The following DNMBP variants were observed in gnomAD, a reference collection of about 807,000 sequenced individuals.
DNMBP encodes dynamin binding protein.
A neutral mutation model predicts 150.0 loss-of-function variants in DNMBP; 87 were observed. That is an observed-to-expected ratio of 0.58 (90% CI 0.49 to 0.69). DNMBP has a LOEUF of 0.69. DNMBP is among the 30% of genes least tolerant of loss of function. The probability of loss-of-function intolerance (pLI) is 0.00; values close to 1 mark genes in which losing one functional copy is unlikely to be tolerated. For synonymous variants in DNMBP, 711 were observed against 750.4 expected, an observed-to-expected ratio of 0.95 and a Z score of 0.86; for missense variants, 1,774 against 1,949.0, an observed-to-expected ratio of 0.91 and a Z score of 1.69.
chr10:99,968,416 G>C (rs965833251), intron 3 of DNMBP, among the ~76,000 whole-genome samples: 1 of 152,172 alleles, frequency 6.6e-6, no homozygotes, highest in Non-Finnish European at 1.5e-5. Flanking sequence ...GTCAGGCGCA[G>C]TGACTCATGC....
intron 4 of DNMBP, 97 bp downstream of exon 4, chr10:99,955,117 T>C (rs552015024): frequency 1.0e-6 from 1 of 985,100 alleles, no homozygotes; most frequent in Admixed American, 2.3e-5. Context: ...TTTTTGTCCA[T>C]CGAGGATGGT....
chr10:99,922,494 C>G (rs1377808548), intron 4 of DNMBP, among the ~76,000 whole-genome samples: 1 of 139,724 alleles, frequency 7.2e-6, no homozygotes, highest in Non-Finnish European at 1.5e-5. Flanking sequence ...CATAACCTAG[C>G]TGCTGCTGTT....
At chr10:100,004,051 G>C (rs1213455296) in intron 1 of DNMBP, among the ~76,000 whole-genome samples, 1 of 150,238 alleles carries the variant, frequency 6.7e-6, no homozygotes, top group Admixed American at 6.7e-5. Flanking sequence ...GGACAACAAA[G>C]GGCGTCCCTA....
intron 4 of DNMBP, among the ~76,000 whole-genome samples, chr10:99,946,371 T>C (rs897606233): frequency 6.6e-6 from 1 of 152,236 alleles, no homozygotes; most frequent in Non-Finnish European, 1.5e-5. Context: ...CACTATCAGA[T>C]AGAGCAACTA....
intron 6 of DNMBP, among the ~76,000 whole-genome samples, chr10:99,905,880 A>G (rs990644218): frequency 1.3e-5 from 2 of 152,150 alleles, no homozygotes; most frequent in Non-Finnish European, 2.9e-5. Context: ...TGAGGTGAGA[A>G]GATTGCTTGA....
At chr10:99,878,791 T>C (rs1017729056) in intron 16 of DNMBP, among the ~76,000 whole-genome samples, 2 of 152,126 alleles carry the variant, frequency 1.3e-5, no homozygotes, top group Non-Finnish European at 2.9e-5. Context: ...GCAAAGACTC[T>C]GCAGCTGTGA....
intron 16 of DNMBP, 87 bp from the exon 17 acceptor site, chr10:99,877,423 C>A: frequency 1.0e-6 from 1 of 991,268 alleles, no homozygotes; most frequent in Non-Finnish European, 1.5e-6. Context: ...GGTTCCACAT[C>A]CACATGCCCA....
intron 1 of DNMBP, among the ~76,000 whole-genome samples, chr10:100,000,557 C>A (rs1360761317): frequency 1.3e-5 from 2 of 151,940 alleles, no homozygotes; most frequent in African/African-American, 4.8e-5. Context: ...TTTGCAATGT[C>A]AAAGACAAAA....
At chr10:99,929,799 G>A (rs1340206834) in intron 4 of DNMBP, 4 of 702,640 alleles carry the variant, frequency 5.7e-6, no homozygotes, top group Non-Finnish European at 1.0e-5. Flanking sequence ...TTCTCCCCTG[G>A]TACACTGAGT....
intron 1 of DNMBP, among the ~76,000 whole-genome samples, chr10:99,992,487 T>G (rs1416732797): frequency 5.3e-5 from 8 of 151,812 alleles, no homozygotes; most frequent in Admixed American, 5.3e-4. Flanking sequence ...ATCCCAGCAC[T>G]CTGGGAGGCT....
chr10:99,914,007 CG>C, intron 4 of DNMBP: 1 of 1,506,032 alleles, frequency 6.6e-7, no homozygotes, highest in Non-Finnish European at 8.9e-7. Flanking sequence ...GGTAAGCAGG[CG>C]GGACAGAATC....
At chr10:99,982,829 G>A (rs949199328) in intron 1 of DNMBP, among the ~76,000 whole-genome samples, 2 of 152,082 alleles carry the variant, frequency 1.3e-5, no homozygotes, top group African/African-American at 4.8e-5. Context: ...GTGAACACCT[G>A]TGGTTCCAGC....
At chr10:99,964,135 CTTTTTTTTT>C (rs895801002) in intron 3 of DNMBP, among the ~76,000 whole-genome samples, 5 of 87,238 alleles carry the variant, frequency 5.7e-5, no homozygotes, top group African/African-American at 2.0e-4. Flanking sequence ...TATTCTCTCT[CTTTTTTTTT>C]TTTTTTTTTT....
At chr10:99,997,480 C>T (rs993111173) in intron 1 of DNMBP, among the ~76,000 whole-genome samples, 2 of 152,088 alleles carry the variant, frequency 1.3e-5, no homozygotes, top group African/African-American at 4.8e-5. Flanking sequence ...TTATGGAGGC[C>T]TGAATAACTT....
chr10:100,000,734 A>G (rs2040998692), intron 1 of DNMBP, among the ~76,000 whole-genome samples: 1 of 151,950 alleles, frequency 6.6e-6, no homozygotes, highest in Admixed American at 6.6e-5. Flanking sequence ...GGTACCAGGC[A>G]CTGTTCGAGG....
intron 6 of DNMBP, among the ~76,000 whole-genome samples, chr10:99,901,047 C>T (rs2039730781): frequency 6.6e-6 from 1 of 152,106 alleles, no homozygotes; most frequent in South Asian, 2.1e-4. Context: ...GTGATCCTCC[C>T]ACCTCTGCCT....
At chr10:99,993,084 C>T (rs545231686) in intron 1 of DNMBP, among the ~76,000 whole-genome samples, 1 of 152,166 alleles carries the variant, frequency 6.6e-6, no homozygotes, top group East Asian at 1.9e-4. Flanking sequence ...AAAAATAAAA[C>T]CTGCTCATAG....
intron 1 of DNMBP, among the ~76,000 whole-genome samples, chr10:99,978,232 T>C (rs1475123479): frequency 6.6e-6 from 1 of 152,224 alleles, no homozygotes; most frequent in African/African-American, 2.4e-5. Context: ...GCCCACGTTC[T>C]TTTTATGGCA....
chr10:99,964,696 C>A (rs1487985394), intron 3 of DNMBP, among the ~76,000 whole-genome samples: 5 of 151,414 alleles, frequency 3.3e-5, no homozygotes, highest in South Asian at 4.2e-4. Flanking sequence ...AATGGTGAAA[C>A]CCTGTCTCTA....
Sources: allele counts gnomAD v4.1 joint callset (sites outside exome capture counted in the v4.1 genomes callset), GRCh38; gene constraint gnomAD v4.1.1; transcripts MANE v1.5; gene names NCBI Gene and HGNC (gene_info 2026-07-23, HGNC 2026-07-21).